ADAMTSL1: variants seen among roughly 807,000 people sequenced by gnomAD.
ADAMTSL1 encodes ADAMTS-like protein 1.
In ADAMTSL1, 126 loss-of-function variants were observed where a neutral mutation model predicts 201.8. That is an observed-to-expected ratio of 0.62 (90% CI 0.54 to 0.72). ADAMTSL1 has a LOEUF of 0.72. Ranked by LOEUF, ADAMTSL1 falls within the 30% of genes least tolerant of loss-of-function variation. The pLI is 0.00. For synonymous variants in ADAMTSL1, 1,121 were observed against 903.4 expected (o/e 1.24, Z -4.32); for missense variants, 2,679 against 2,277.8 (o/e 1.18, Z -3.59).
chr9:18,657,325 G>C (rs1828752017), intron 7 of ADAMTSL1, among the ~76,000 whole-genome samples: 1 of 152,128 alleles, frequency 6.6e-6, no homozygotes, highest in African/African-American at 2.4e-5. Context: ...TTATACCAAA[G>C]AGGTTGGAAA....
At chr9:18,859,496 G>C (rs1192590742) in intron 23 of ADAMTSL1, among the ~76,000 whole-genome samples, 1 of 152,204 alleles carries the variant, frequency 6.6e-6, no homozygotes, top group African/African-American at 2.4e-5. Context: ...ATAGGTTTCG[G>C]GGATTAGGGT....
chr9:18,465,736 TTTTTGTTTTGTTTTG>T (rs60866155), intron 2 of ADAMTSL1, among the ~76,000 whole-genome samples: 1 of 150,826 alleles, frequency 6.6e-6, no homozygotes. Context: ...CACAGGTATC[TTTTTGTTTTGTTTTG>T]TTTTGTTTTG....
At chr9:18,403,125 C>T (rs1818049061) in intron 2 of ADAMTSL1, among the ~76,000 whole-genome samples, 1 of 151,814 alleles carries the variant, frequency 6.6e-6, no homozygotes, top group Admixed American at 6.6e-5. Flanking sequence ...AAGCGCTGCT[C>T]ATTTATCACA....
intron 1 of ADAMTSL1, among the ~76,000 whole-genome samples, chr9:17,997,178 T>C (rs182232410): frequency 1.6e-4 from 25 of 152,160 alleles, no homozygotes; most frequent in African/African-American, 6.0e-4. Context: ...CTTGCACAAG[T>C]ATAAGAGAAA....
intron 13 of ADAMTSL1, among the ~76,000 whole-genome samples, chr9:18,685,404 A>C (rs534792637): frequency 6.6e-6 from 1 of 152,326 alleles, no homozygotes; most frequent in African/African-American, 2.4e-5. Flanking sequence ...GAGAGACAAA[A>C]GTAGATTAAG....
intron 1 of ADAMTSL1, among the ~76,000 whole-genome samples, chr9:18,010,796 A>G (rs1376912826): frequency 1.3e-5 from 2 of 152,028 alleles, no homozygotes; most frequent in Non-Finnish European, 2.9e-5. Context: ...CCACCGTGCA[A>G]TGTAGCCAGA....
chr9:18,557,269 T>G (rs982216974), intron 3 of ADAMTSL1, among the ~76,000 whole-genome samples: 1 of 152,026 alleles, frequency 6.6e-6, no homozygotes, highest in Non-Finnish European at 1.5e-5. Context: ...CAGAGAGGAA[T>G]CTGGGTGAGA....
At chr9:18,617,470 G>A (rs1825763710) in intron 4 of ADAMTSL1, among the ~76,000 whole-genome samples, 1 of 143,516 alleles carries the variant, frequency 7.0e-6, no homozygotes, top group Non-Finnish European at 1.5e-5. Flanking sequence ...TGGATTGGAT[G>A]CTATGATCCT....
At chr9:18,374,357 T>TG (rs1837190523) in intron 2 of ADAMTSL1, among the ~76,000 whole-genome samples, 2 of 151,966 alleles carry the variant, frequency 1.3e-5, no homozygotes, top group South Asian at 4.2e-4. Context: ...TTTTTTGGGA[T>TG]GGGGTCTCAC....
At chr9:18,427,276 G>T (rs1819266711) in intron 2 of ADAMTSL1, among the ~76,000 whole-genome samples, 1 of 152,322 alleles carries the variant, frequency 6.6e-6, no homozygotes, top group Non-Finnish European at 1.5e-5. Flanking sequence ...TAATCGACTT[G>T]CTGAATTGCT....
chr9:18,501,233 G>A (rs1227936695), intron 1 of ADAMTSL1, among the ~76,000 whole-genome samples: 2 of 152,266 alleles, frequency 1.3e-5, no homozygotes, highest in South Asian at 2.1e-4. Context: ...AAATGGGGCC[G>A]AGCGTGATGG....
intron 4 of ADAMTSL1, among the ~76,000 whole-genome samples, chr9:18,607,226 T>A (rs1825078358): frequency 6.6e-6 from 1 of 152,198 alleles, no homozygotes; most frequent in Non-Finnish European, 1.5e-5. Flanking sequence ...CACTGGAACA[T>A]GCCTGCACCT....
At chr9:18,332,598 A>C (rs1483586851) in intron 2 of ADAMTSL1, among the ~76,000 whole-genome samples, 1 of 152,208 alleles carries the variant, frequency 6.6e-6, no homozygotes, top group African/African-American at 2.4e-5. Context: ...CTAAAGGCGC[A>C]TGCTACCAGA....
intron 7 of ADAMTSL1, among the ~76,000 whole-genome samples, chr9:18,642,678 G>A (rs960060303): frequency 5.3e-5 from 8 of 151,804 alleles, no homozygotes; most frequent in Non-Finnish European, 7.4e-5. Context: ...TTAATATCAC[G>A]CAGTATTTGT....
At chr9:18,363,006 T>G (rs1341188112) in intron 2 of ADAMTSL1, among the ~76,000 whole-genome samples, 1 of 152,320 alleles carries the variant, frequency 6.6e-6, no homozygotes, top group Middle Eastern at 3.4e-3. Flanking sequence ...CAGATTGTCT[T>G]TCTAATTTAG....
chr9:18,219,873 G>T (rs1317233849), intron 2 of ADAMTSL1, among the ~76,000 whole-genome samples: 1 of 152,100 alleles, frequency 6.6e-6, no homozygotes, highest in African/African-American at 2.4e-5. Flanking sequence ...CTTGTATCTA[G>T]AAATCTTGCT....
At chr9:17,984,647 C>T (rs989068651) in intron 1 of ADAMTSL1, among the ~76,000 whole-genome samples, 3 of 151,924 alleles carry the variant, frequency 2.0e-5, no homozygotes, top group South Asian at 2.1e-4. Flanking sequence ...CTCCTTAGTC[C>T]GAGTTGTAAG....
rs1431255145 is a variant in ADAMTSL1 at position 18,391,225 on chromosome 9, A to G, written c.208-113604A>G. 4.6e-5 allele frequency among the ~76,000 whole-genome samples: 7 copies of G among 152,204 alleles called. No homozygotes were observed. In the East Asian group the frequency reaches 1.3e-3, roughly 29 times the overall value. Reference sequence around the variant, plus strand: ...TCATTTTTATACCTTTTTCCTATAAAAACTGTGATATTTTAAAATCTACTT... The same window carrying G: ...TCATTTTTATACCTTTTTCCTATAAGAACTGTGATATTTTAAAATCTACTT... On this transcript the variant is annotated intron_variant, in intron 2 of 29. Transcript: ENST00000680146.
intron 13 of ADAMTSL1, among the ~76,000 whole-genome samples, chr9:18,688,689 A>AAAAT (rs1554730404): frequency 2.4e-3 from 21 of 8,632 alleles, no homozygotes; most frequent in East Asian, 8.7e-3. Context: ...AAAAAAAAAA[A>AAAAT]ATATATATAT....
Sources: gnomAD v4.1 joint callset for allele counts (sites outside exome capture counted in the v4.1 genomes callset) on GRCh38, gnomAD v4.1.1 for gene constraint, MANE v1.5 for transcripts, NCBI Gene and HGNC (gene_info 2026-07-23, HGNC 2026-07-21) for gene names.